The following TRPM7 variants were observed in gnomAD, a reference collection of about 807,000 sequenced individuals.
The protein encoded by TRPM7 is LTRPC ion channel family member 7.
TRPM7 carries 134 observed loss-of-function variants against 229.7 expected under a neutral mutation model. That is an observed-to-expected ratio of 0.58 (90% CI 0.51 to 0.67). The LOEUF (loss-of-function observed/expected upper bound fraction) is 0.67, where lower values mean the gene tolerates loss of function less well. Ranked by LOEUF, TRPM7 falls within the 30% of genes least tolerant of loss-of-function variation. The pLI is 0.00. For synonymous variants in TRPM7, 699 were observed against 715.2 expected, an observed-to-expected ratio of 0.98 and a Z score of 0.36; for missense variants, 1,901 against 2,210.0, an observed-to-expected ratio of 0.86 and a Z score of 2.80.
chr15:50,646,167 C>T (rs747342001), intron 4 of TRPM7, among the ~76,000 whole-genome samples: 14 of 151,104 alleles, frequency 9.3e-5, no homozygotes, highest in South Asian at 8.3e-4. Flanking sequence ...TTTGTAGGAT[C>T]GGGATCCAGG....
chr15:50,679,090 T>TTTCACCATGTTGG (rs1169395396), intron 1 of TRPM7, among the ~76,000 whole-genome samples: 1 of 150,374 alleles, frequency 6.7e-6, no homozygotes, highest in African/African-American at 2.5e-5. Context: ...GCCAGGATGG[T>TTTCACCATGTTGG]CTCGATCTCT....
chr15:50,681,576 A>G (rs1348410418), intron 1 of TRPM7, among the ~76,000 whole-genome samples: 2 of 152,238 alleles, frequency 1.3e-5, no homozygotes, highest in African/African-American at 4.8e-5. Flanking sequence ...GCCAGCAGAA[A>G]GCAGAAAACT....
chr15:50,613,144 C>T (rs2060109690), intron 15 of TRPM7, among the ~76,000 whole-genome samples: 1 of 152,064 alleles, frequency 6.6e-6, no homozygotes, highest in Admixed American at 6.5e-5. Flanking sequence ...TCAAGTAAAA[C>T]TGGAATGAAA....
At chr15:50,583,381 A>G (rs1399856076) in intron 28 of TRPM7, among the ~76,000 whole-genome samples, 1 of 152,162 alleles carries the variant, frequency 6.6e-6, no homozygotes, top group Admixed American at 6.5e-5. Flanking sequence ...AAATGAGAGT[A>G]TGAAGTAAAA....
Position 50,560,072 on chromosome 15 carries a change from A to G in TRPM7, c.*1606T>C, listed in dbSNP as rs999026911. 1 of 151,904 alleles carries G rather than the reference A, an allele frequency of 6.6e-6. No individual in the cohort carries two copies. The highest frequency in any genetic ancestry group is 2.4e-5 in the African/African-American group (1 of 41,418). 9.4% of individuals were successfully genotyped at this position (151,904 alleles called of 1,614,324 possible). ...TTATAATCCTGTGAAAATAATCAAT[A>G]TAAAATTAAAAATCAACAGACAGCC... On this transcript the variant is annotated 3_prime_UTR_variant, in exon 39 of 39. Transcript: ENST00000646667.
chr15:50,589,677 T>A, intron 26 of TRPM7, 21 bp from the exon 27 acceptor site: 1 of 1,530,438 alleles, frequency 6.5e-7, no homozygotes, highest in Non-Finnish European at 8.9e-7. Context: ...AAAAAAGATG[T>A]TGCAATGAGA....
Position 50,583,723 on chromosome 15 carries a change from T to C in TRPM7, c.4487-564A>G, listed in dbSNP as rs909226291. On this transcript the variant is annotated intron_variant, in intron 28 of 38. Coordinates refer to ENST00000646667, the MANE Select transcript of TRPM7 (RefSeq NM_017672.6). ...TCCCTAGTAGCTGGCATTACAGGCATGTGCCACCATGCCCGGCTAATTTTG... is the reference window on the plus strand; with the variant it reads ...TCCCTAGTAGCTGGCATTACAGGCACGTGCCACCATGCCCGGCTAATTTTG... 7.2e-5 allele frequency among the ~76,000 whole-genome samples: 11 copies of C among 152,140 alleles called. 1 individual carries two copies. In the South Asian group the frequency reaches 2.3e-3, roughly 32 times the overall value.
intron 23 of TRPM7, 65 bp from the exon 24 acceptor site, chr15:50,594,678 G>A (rs2059590190): frequency 9.1e-7 from 1 of 1,095,356 alleles, no homozygotes; most frequent in African/African-American, 1.6e-5. Context: ...TTTAAATACT[G>A]ATGATTTCAT....
intron 5 of TRPM7, among the ~76,000 whole-genome samples, chr15:50,642,772 T>C (rs1019939374): frequency 2.0e-5 from 3 of 152,120 alleles, no homozygotes; most frequent in African/African-American, 7.2e-5. Flanking sequence ...AGTAAATAAG[T>C]GAATGTTCCA....
In TRPM7 at chr15:50,585,518, A is replaced by G. The variant is rs545997664; in HGVS notation, c.4486+874T>C. Among the ~76,000 whole-genome samples the G allele has an allele frequency of 7.9e-5, 12 of 152,328 alleles. No homozygotes were observed. The South Asian group carries it at 2.3e-3, about 29-fold the overall frequency. On this transcript the variant is annotated intron_variant, in intron 28 of 38. Transcript: ENST00000646667. ...ATTTTTTGTTGATATCCTTTTTGAG[A>G]TTAAGAATGAATACTGAATGTTAAC... is the stretch of plus-strand genomic sequence containing the variant.
rs547943278 is a variant in TRPM7, at chr15:50,643,243, T to C, written c.535+97A>G. 6.1e-4 allele frequency: 595 copies of C among 973,540 alleles called. 3 individuals are homozygous for C. Among genetic ancestry groups the C allele is most frequent in the Non-Finnish European group, 8.6e-4 (552 of 641,884 alleles). The allele number at this position is 973,540 out of a possible 1,614,324, so 60.3% of individuals were successfully genotyped here. A position where few individuals can be genotyped will look rare whatever the true frequency, so the allele number is the denominator to read the frequency against. On this transcript the variant is annotated intron_variant, in intron 5 of 38. Coordinates refer to ENST00000646667, the MANE Select transcript of TRPM7 (RefSeq NM_017672.6). ...GGCAGAGGTTGCAGTGAGCCGAGAT[T>C]GTGCCATTGCACTCCAGCCTGGCAA...
chr15:50,609,522 A>C lies in TRPM7; in HGVS notation c.2580+59T>G, dbSNP rs2060007480. On this transcript the variant is annotated intron_variant, in intron 19 of 38. Transcript: ENST00000646667. ...TCAACATTAGTATGGATTCCGAACC[A>C]ATGGTCCCCCAAAGCCTAACTCTTA... The C allele has an allele frequency of 1.2e-5, 18 of 1,496,306 alleles. No homozygotes were observed. The East Asian group carries it at 4.1e-4, about 34-fold the overall frequency. The allele number at this position is 1,496,306 out of a possible 1,614,324, so 92.7% of individuals were successfully genotyped here. A position where few individuals can be genotyped will look rare whatever the true frequency, so the allele number is the denominator to read the frequency against.
intron 5 of TRPM7, among the ~76,000 whole-genome samples, chr15:50,642,384 T>C (rs1304361613): frequency 6.6e-6 from 1 of 152,218 alleles, no homozygotes; most frequent in East Asian, 1.9e-4. Flanking sequence ...ATATATAAAC[T>C]GATATGGTTA....
chr15:50,569,405 T>C (rs2053763161), intron 38 of TRPM7, among the ~76,000 whole-genome samples: 1 of 152,230 alleles, frequency 6.6e-6, no homozygotes, highest in African/African-American at 2.4e-5. Context: ...CAAGGCTAAC[T>C]TGAAGGTCTA....
At chr15:50,570,933 C>T (rs1207645382) in intron 36 of TRPM7, among the ~76,000 whole-genome samples, 1 of 151,898 alleles carries the variant, frequency 6.6e-6, no homozygotes, top group Non-Finnish European at 1.5e-5. Context: ...ACACATATCA[C>T]ATTTTCTTGC....
chr15:50,603,880 ATATT>A (rs1400573624), intron 21 of TRPM7: 2 of 152,104 alleles, frequency 1.3e-5, no homozygotes, highest in African/African-American at 2.4e-5. Flanking sequence ...ACTACTGTAT[ATATT>A]TATTTACAAG....
intron 27 of TRPM7, among the ~76,000 whole-genome samples, chr15:50,587,981 A>G (rs2059386032): frequency 6.6e-6 from 1 of 151,870 alleles, no homozygotes; most frequent in African/African-American, 2.4e-5. Context: ...TTCTCTTTTT[A>G]TCGTGTGTCA....
intron 1 of TRPM7, among the ~76,000 whole-genome samples, chr15:50,677,738 C>CAAA (rs10652951): frequency 0.049 from 1,862 of 37,956 alleles, 152 homozygotes; most frequent in African/African-American, 0.16. Flanking sequence ...GACCCCGTAT[C>CAAA]AAAAAAAAAA....
At chr15:50,639,803 A>G (rs2061034611) in intron 5 of TRPM7, among the ~76,000 whole-genome samples, 1 of 151,716 alleles carries the variant, frequency 6.6e-6, no homozygotes, top group Non-Finnish European at 1.5e-5. Flanking sequence ...CAGCCTCCCA[A>G]AGTTCTGGGA....
Sources: gnomAD v4.1 joint callset for allele counts (sites outside exome capture counted in the v4.1 genomes callset) on GRCh38, gnomAD v4.1.1 for gene constraint, MANE v1.5 for transcripts, NCBI Gene and HGNC (gene_info 2026-07-23, HGNC 2026-07-21) for gene names.